The following BRAF variants were observed in gnomAD, a reference collection of about 807,000 sequenced individuals.
The protein encoded by BRAF is B-Raf proto-oncogene, serine/threonine kinase.
Under a neutral mutation model 104.6 loss-of-function variants are expected in BRAF, and 16 were observed. The observed-to-expected ratio is 0.15, with a 90% CI of 0.10 to 0.23. The LOEUF is 0.23. BRAF is among the 10% of genes least tolerant of loss of function. The pLI is 1.00. For missense variants in BRAF, 541 were observed against 937.3 expected (o/e 0.58, Z 5.52); for synonymous variants, 310 against 341.6 (o/e 0.91, Z 1.02).
chr7:140,764,418 A>C (rs1198971925), intron 14 of BRAF, among the ~76,000 whole-genome samples: 2 of 150,340 alleles, frequency 1.3e-5, no homozygotes, highest in African/African-American at 2.5e-5. Context: ...CACCACTCCT[A>C]TTCAACATAG....
intron 4 of BRAF, 56 bp downstream of exon 4, chr7:140,808,836 A>C: frequency 7.0e-7 from 1 of 1,420,226 alleles, no homozygotes; most frequent in Non-Finnish European, 9.9e-7. Context: ...AAAACTTCAA[A>C]GTTTAATGTG....
chr7:140,717,217 T>C (rs1281168639), downstream of BRAF, among the ~76,000 whole-genome samples: 2 of 152,168 alleles, frequency 1.3e-5, no homozygotes, highest in African/African-American at 4.8e-5. Flanking sequence ...CCTGGCTACA[T>C]AAGCCTAGCG....
chr7:140,800,964 A>C, intron 6 of BRAF: 1 of 209,312 alleles, frequency 4.8e-6, no homozygotes, highest in Non-Finnish European at 9.6e-6. Flanking sequence ...TGGATACAAA[A>C]ATTTTACATC....
chr7:140,850,652 A>T (rs1315520441), intron 1 of BRAF, among the ~76,000 whole-genome samples: 1 of 152,140 alleles, frequency 6.6e-6, no homozygotes, highest in Non-Finnish European at 1.5e-5. Flanking sequence ...TTTTTCATGG[A>T]GTAATGTCTC....
chr7:140,775,202 A>G (rs1800217783), intron 14 of BRAF, among the ~76,000 whole-genome samples: 1 of 150,550 alleles, frequency 6.6e-6, no homozygotes, highest in African/African-American at 2.5e-5. Context: ...AGAGAATATA[A>G]CAAACATAAA....
chr7:140,714,186 G>A, the BRAF span, among the ~76,000 whole-genome samples: 1 of 152,202 alleles, frequency 6.6e-6, no homozygotes, highest in Non-Finnish European at 1.5e-5. Flanking sequence ...GCTGGGAGCT[G>A]CAGACGGGAG....
intron 17 of BRAF, chr7:140,747,427 C>T: frequency 7.8e-7 from 1 of 1,288,680 alleles, no homozygotes; most frequent in Non-Finnish European, 1.0e-6. Context: ...ATTTATTATA[C>T]TCCCATGGAG....
rs1159703065 is a variant in BRAF, at chr7:140,766,909, TCTCCAA to T, written c.1814+9997_1814+10002del. 5.3e-5 allele frequency among the ~76,000 whole-genome samples: 8 copies of T among 152,260 alleles called. 1 individual carries two copies. In the East Asian group the frequency reaches 1.5e-3, roughly 29 times the overall value. ...GGACTCACTCTGTTACCCAAGCTGG[TCTCCAA>T]CTCCTGAGCTCAAGTGATCTTCCCA... On this transcript the variant is annotated intron_variant, in intron 14 of 19. Coordinates refer to ENST00000644969, the MANE Select transcript of BRAF (RefSeq NM_001374258.1).
intron 19 of BRAF, among the ~76,000 whole-genome samples, chr7:140,729,813 C>T (rs1317895407): frequency 6.6e-6 from 1 of 152,010 alleles, no homozygotes; most frequent in Non-Finnish European, 1.5e-5. Flanking sequence ...GGTGGTACTG[C>T]ACCACTGCAT....
At chr7:140,804,599 A>T (rs1803470778) in intron 5 of BRAF, among the ~76,000 whole-genome samples, 1 of 152,132 alleles carries the variant, frequency 6.6e-6, no homozygotes, top group African/African-American at 2.4e-5. Context: ...CTGGGATTAC[A>T]GGCGTGAGCC....
intron 1 of BRAF, among the ~76,000 whole-genome samples, chr7:140,868,015 T>G (rs1811167610): frequency 6.6e-6 from 1 of 152,236 alleles, no homozygotes; most frequent in African/African-American, 2.4e-5. Context: ...TGTGCCTTTC[T>G]ATGAGAACAT....
rs536853781 is a variant in BRAF, at chr7:140,793,104, A to G, written c.1140+1204T>C. Among the ~76,000 whole-genome samples the G allele has an allele frequency of 6.3e-4, 96 of 152,320 alleles. No individual in the cohort carries two copies. The highest frequency in any genetic ancestry group is 1.2e-3 in the Non-Finnish European group (85 of 68,034). ...GCACATGAAAAGGTGATACCCTGTG[A>G]CTGGTTACGAGAGAGGATGAAAAGG... On this transcript the variant is annotated intron_variant, in intron 8 of 19. Coordinates refer to ENST00000644969, the MANE Select transcript of BRAF (RefSeq NM_001374258.1).
At chr7:140,758,648 TCTCA>T (rs1435032829) in intron 14 of BRAF, among the ~76,000 whole-genome samples, 1 of 152,138 alleles carries the variant, frequency 6.6e-6, no homozygotes, top group African/African-American at 2.4e-5. Context: ...TATAGATGGG[TCTCA>T]CTATGTTGCC....
In BRAF at chr7:140,924,787, G is replaced by A; in HGVS notation, c.-84C>T. The A allele has an allele frequency of 2.0e-6, 1 of 491,188 alleles. No homozygotes were observed. The allele number at this position is 491,188 out of a possible 1,614,324, so 30.4% of individuals were successfully genotyped here. On this transcript the variant is annotated 5_prime_UTR_variant, in exon 1 of 20. Transcript: ENST00000644969. This position sits in a 1 kb window ranked among gnomAD's most constrained non-coding sequence, Gnocchi z 4.2. ...GCGGAGAGCTGGGGGAGGCGGAGGC[G>A]GAGGCGGAGGCGGAGGAGCGGGGGG...
chr7:140,795,558 A>C (rs1415922753), intron 7 of BRAF, among the ~76,000 whole-genome samples: 1 of 152,228 alleles, frequency 6.6e-6, no homozygotes, highest in Non-Finnish European at 1.5e-5. Context: ...GGAAAAAAAT[A>C]TAGTAGGAAA....
chr7:140,845,017 C>T (rs917532195), intron 2 of BRAF, among the ~76,000 whole-genome samples: 1 of 152,044 alleles, frequency 6.6e-6, no homozygotes, highest in East Asian at 1.9e-4. Context: ...TCAAAACTTA[C>T]TACACAAAGC....
intron 2 of BRAF, among the ~76,000 whole-genome samples, chr7:140,846,354 T>C (rs1485483440): frequency 6.6e-6 from 1 of 152,206 alleles, no homozygotes; most frequent in Non-Finnish European, 1.5e-5. Flanking sequence ...ATATGCATTA[T>C]CCTTGTTGCA....
At chr7:140,782,898 T>G in intron 11 of BRAF, 123 bp downstream of exon 10, 1 of 1,213,902 alleles carries the variant, frequency 8.2e-7, no homozygotes, top group Non-Finnish European at 1.1e-6. Flanking sequence ...GTTCTTAAAT[T>G]TATTTAATTA....
At chr7:140,750,424 C>G (rs572299437) in intron 16 of BRAF, among the ~76,000 whole-genome samples, 1 of 152,140 alleles carries the variant, frequency 6.6e-6, no homozygotes, top group Non-Finnish European at 1.5e-5. Context: ...AACCCCTCAA[C>G]GTCCAGACTA....
Sources: gnomAD v4.1 joint callset for allele counts (sites outside exome capture counted in the v4.1 genomes callset) on GRCh38, gnomAD v4.1.1 for gene constraint, Gnocchi (gnomAD v3.1) non-coding constraint, MANE v1.5 for transcripts, NCBI Gene and HGNC (gene_info 2026-07-23, HGNC 2026-07-21) for gene names.